Variants in PLPP3 observed in about 807,000 individuals in gnomAD.
The protein encoded by PLPP3 is phospholipid phosphatase 3.
A neutral mutation model predicts 29.6 loss-of-function variants in PLPP3; 6 were observed. The ratio of observed to expected loss-of-function variants is 0.20; its 90% confidence interval spans 0.11 to 0.40. The LOEUF (loss-of-function observed/expected upper bound fraction) is 0.40. Among genes scored for constraint, PLPP3 ranks in the 10% least tolerant of loss-of-function variants. PLPP3 has a pLI of 1.00. For synonymous variants in PLPP3, 152 were observed against 159.7 expected (o/e 0.95, Z 0.36); for missense variants, 308 against 407.7 (o/e 0.76, Z 2.11).
chr1:56,521,946 A>G (rs534887749), intron 4 of PLPP3, among the ~76,000 whole-genome samples: 1 of 152,320 alleles, frequency 6.6e-6, no homozygotes, highest in African/African-American at 2.4e-5. Flanking sequence ...TCAAAGCAAA[A>G]GGAGACAGGT....
intron 1 of PLPP3, among the ~76,000 whole-genome samples, chr1:56,539,154 C>T (rs1300739467): frequency 6.6e-6 from 1 of 152,028 alleles, no homozygotes; most frequent in Non-Finnish European, 1.5e-5. Flanking sequence ...TGCTTAAATC[C>T]CTAATTTAAC....
At chr1:56,517,458 G>A (rs1160399923) in intron 4 of PLPP3, among the ~76,000 whole-genome samples, 1 of 152,220 alleles carries the variant, frequency 6.6e-6, no homozygotes. Context: ...GCTGAGCATT[G>A]GTGTAGCCCC....
At chr1:56,562,036 CAAAAAAAAAAAAAAAAAAAAA>C (rs71048439) in intron 1 of PLPP3, among the ~76,000 whole-genome samples, 7 of 50,970 alleles carry the variant, frequency 1.4e-4, no homozygotes, top group Middle Eastern at 0.025. Context: ...CTCCGTTTCA[CAAAAAAAAAAAAAAAAAAAAA>C]AAAAAAAAAA....
chr1:56,565,474 G>A (rs778489905), intron 1 of PLPP3, among the ~76,000 whole-genome samples: 1 of 151,930 alleles, frequency 6.6e-6, no homozygotes, highest in Non-Finnish European at 1.5e-5. Context: ...AGACTGGAGT[G>A]CAGTGGCACA....
chr1:56,511,633 C>A (rs535730177), intron 5 of PLPP3, among the ~76,000 whole-genome samples: 11 of 152,110 alleles, frequency 7.2e-5, no homozygotes, highest in Admixed American at 1.3e-4. Context: ...TGACACATGA[C>A]CTTGGGTAAG....
intron 4 of PLPP3, among the ~76,000 whole-genome samples, 193 bp downstream of exon 4, chr1:56,523,629 GA>G (rs1218217905): frequency 6.6e-6 from 1 of 152,180 alleles, no homozygotes; most frequent in Non-Finnish European, 1.5e-5. Flanking sequence ...AAAAATGGGG[GA>G]AAAAACTAGA....
chr1:56,502,710 T>C (rs929551423), intron 5 of PLPP3, among the ~76,000 whole-genome samples: 2 of 152,188 alleles, frequency 1.3e-5, no homozygotes, highest in African/African-American at 4.8e-5. Context: ...TAACCTTCCA[T>C]CTTAGTGTTA....
chr1:56,517,461 G>A (rs945410782), intron 4 of PLPP3, among the ~76,000 whole-genome samples: 20 of 152,370 alleles, frequency 1.3e-4, no homozygotes, highest in East Asian at 5.8e-4. Flanking sequence ...GAGCATTGGT[G>A]TAGCCCCTGG....
intron 5 of PLPP3, among the ~76,000 whole-genome samples, chr1:56,505,999 G>C (rs1384635971): frequency 6.6e-6 from 1 of 152,130 alleles, no homozygotes; most frequent in African/African-American, 2.4e-5. Context: ...TAAGAGTGGG[G>C]GCCAGCAGTG....
chr1:56,567,938 C>G (rs1457860951), intron 1 of PLPP3, among the ~76,000 whole-genome samples: 1 of 152,108 alleles, frequency 6.6e-6, no homozygotes, highest in Admixed American at 6.5e-5. Flanking sequence ...GTTATGTCTA[C>G]ATAATGGAAT....
At chr1:56,534,423 T>G (rs1243939644) in intron 2 of PLPP3, among the ~76,000 whole-genome samples, 2 of 152,152 alleles carry the variant, frequency 1.3e-5, no homozygotes, top group South Asian at 4.1e-4. Context: ...ATTCCGTTCC[T>G]TTGTTGTGGG....
chr1:56,537,497 A>C (rs1358624061), intron 1 of PLPP3, among the ~76,000 whole-genome samples: 3 of 152,146 alleles, frequency 2.0e-5, no homozygotes, highest in African/African-American at 4.8e-5. Context: ...TTCATTTCTT[A>C]GCTCTTAACC....
chr1:56,519,093 T>G (rs975785275), intron 4 of PLPP3, among the ~76,000 whole-genome samples: 1 of 152,082 alleles, frequency 6.6e-6, no homozygotes, highest in African/African-American at 2.4e-5. Context: ...GGCTGCCTAA[T>G]GCACCTGCAA....
At chr1:56,521,348 A>G (rs1025310808) in intron 4 of PLPP3, among the ~76,000 whole-genome samples, 1 of 151,872 alleles carries the variant, frequency 6.6e-6, no homozygotes, top group Non-Finnish European at 1.5e-5. Flanking sequence ...CCTGGCAGAG[A>G]GTGCTGTCCT....
intron 4 of PLPP3, among the ~76,000 whole-genome samples, chr1:56,520,763 T>C (rs1299510605): frequency 1.3e-5 from 2 of 150,420 alleles, no homozygotes; most frequent in East Asian, 3.9e-4. Context: ...ATACAAAAAT[T>C]TGCTGGGTGT....
chr1:56,511,392 C>G (rs1161839646), intron 5 of PLPP3, among the ~76,000 whole-genome samples: 1 of 152,132 alleles, frequency 6.6e-6, no homozygotes, highest in Non-Finnish European at 1.5e-5. Flanking sequence ...GGGCCTCAGG[C>G]TGAGAGAGGG....
At chr1:56,570,445 T>A (rs1334219030) in intron 1 of PLPP3, among the ~76,000 whole-genome samples, 3 of 152,238 alleles carry the variant, frequency 2.0e-5, no homozygotes, top group African/African-American at 7.2e-5. Flanking sequence ...GATTGCAATA[T>A]ATACTTTCAA....
chr1:56,539,828 A>G (rs184136775), intron 1 of PLPP3, among the ~76,000 whole-genome samples: 5 of 152,352 alleles, frequency 3.3e-5, no homozygotes, highest in Admixed American at 2.6e-4. Flanking sequence ...AGAAGCCAGC[A>G]GTATGATATT....
intron 5 of PLPP3, among the ~76,000 whole-genome samples, chr1:56,501,025 A>C (rs1025723635): frequency 1.3e-4 from 19 of 151,502 alleles, no homozygotes; most frequent in African/African-American, 4.6e-4. Context: ...AAAAAAAAAA[A>C]AAAAAAAAAT....
Sources: gnomAD v4.1 joint callset for allele counts (sites outside exome capture counted in the v4.1 genomes callset) on GRCh38, gnomAD v4.1.1 for gene constraint, MANE v1.5 for transcripts, NCBI Gene and HGNC (gene_info 2026-07-23, HGNC 2026-07-21) for gene names.